PLXDC2: variants seen among roughly 807,000 people sequenced by gnomAD.
PLXDC2 encodes the protein plexin domain-containing protein 2.
Under a neutral mutation model 68.9 loss-of-function variants are expected in PLXDC2, and 40 were observed. The ratio of observed to expected loss-of-function variants is 0.58; its 90% CI spans 0.45 to 0.76. The LOEUF is 0.76. PLXDC2 is among the 30% of genes least tolerant of loss of function. The pLI, the probability that PLXDC2 is intolerant of heterozygous loss-of-function variation, is 0.00. For missense variants in PLXDC2, 644 were observed against 661.9 expected (o/e 0.97, Z 0.30); for synonymous variants, 243 against 234.2 (o/e 1.04, Z -0.34).
At position 20,240,236 on chromosome 10, in the gene PLXDC2, C is replaced by T. The variant is rs181157257; in HGVS notation, c.1313-5109C>T. 1.4e-4 allele frequency among the ~76,000 whole-genome samples: 21 copies of T among 152,248 alleles called. No homozygotes were observed. The East Asian group carries it at 2.3e-3, about 17-fold the overall frequency. ...TAGGACAACGGCCTCCACCTCTTTC[C>T]GTGTTGCTTCCTTCAAAGAATAGGA... On this transcript the variant is annotated intron_variant, in intron 12 of 13. Transcript: ENST00000377252.
At chr10:19,991,867 A>G (rs36017814) in intron 1 of PLXDC2, among the ~76,000 whole-genome samples, 9,707 of 152,242 alleles carry the variant, frequency 0.064, 381 homozygotes, top group Middle Eastern at 0.13. Context: ...CATATTTTCC[A>G]TAGTGAGGTA....
At position 20,287,266 on chromosome 10, in the gene PLXDC2, C is replaced by G. The variant is rs1435447567; in HGVS notation, c.*7447C>G. 2 of 152,200 alleles carry G rather than the reference C, an allele frequency of 1.3e-5. No homozygotes were observed. The highest frequency in any genetic ancestry group is 1.3e-4 in the Admixed American group (2 of 15,278). The allele number at this position is 152,200 out of a possible 1,614,324, so 9.4% of individuals were successfully genotyped here. ...GCCTTTGTCCTAGAGAATTATGTGA[C>G]TTGCCCTAGAGAATTAGTGAATGAC... On this transcript the variant is annotated 3_prime_UTR_variant, in exon 14 of 14. Transcript: ENST00000377252.
chr10:20,000,358 C>T (rs1589578434), intron 1 of PLXDC2, among the ~76,000 whole-genome samples: 2 of 150,766 alleles, frequency 1.3e-5, no homozygotes, highest in South Asian at 2.1e-4. Flanking sequence ...TTGGGTTTCT[C>T]CCTGTGGAGT....
rs552334150 is a variant in PLXDC2, at chr10:19,881,402, C to G, written c.112+64211C>G. On this transcript the variant is annotated intron_variant, in intron 1 of 13. Transcript: ENST00000377252. ...AAGTGCTGAGATTACAGGCATGAGC[C>G]ACTGCGCCTGGCCGCCAATTTCTTT... 4.7e-4 allele frequency among the ~76,000 whole-genome samples: 72 copies of G among 152,248 alleles called. 1 individual carries two copies. In the South Asian group the frequency reaches 9.1e-3, roughly 19 times the overall value.
intron 1 of PLXDC2, among the ~76,000 whole-genome samples, chr10:19,994,183 C>T (rs956238073): frequency 2.0e-5 from 3 of 150,530 alleles, no homozygotes; most frequent in Admixed American, 1.3e-4. Context: ...CCCAACTGTC[C>T]AGTGAGCTAT....
intron 1 of PLXDC2, among the ~76,000 whole-genome samples, chr10:19,836,551 G>T (rs1310528392): frequency 1.3e-5 from 2 of 152,154 alleles, no homozygotes; most frequent in Non-Finnish European, 2.9e-5. Context: ...CACTCAAATA[G>T]AATCAAGTTT....
intron 4 of PLXDC2, among the ~76,000 whole-genome samples, chr10:20,127,045 G>A (rs963004928): frequency 6.6e-6 from 1 of 151,482 alleles, no homozygotes. Flanking sequence ...AAAACCCAAA[G>A]CATCTAAAGA....
At chr10:20,149,859 TA>T (rs1451841384) in intron 6 of PLXDC2, among the ~76,000 whole-genome samples, 3 of 152,208 alleles carry the variant, frequency 2.0e-5, no homozygotes, top group Non-Finnish European at 4.4e-5. Context: ...CTTGCTATTA[TA>T]AATAGTGCTG....
In PLXDC2 at chr10:19,934,250, A is replaced by G. The variant is rs528905444; in HGVS notation, c.113-67525A>G. 5.3e-5 allele frequency among the ~76,000 whole-genome samples: 8 copies of G among 152,370 alleles called. No individual in the cohort carries two copies. In the East Asian group the frequency reaches 9.6e-4, roughly 18 times the overall value. On this transcript the variant is annotated intron_variant, in intron 1 of 13. Coordinates refer to ENST00000377252, the MANE Select transcript of PLXDC2 (RefSeq NM_032812.9). ...ACCTTTATTAATTTAGCAAATTGCA[A>G]TCTTCCATAATGCTCATGACCATTC...
chr10:20,209,633 G>A (rs1835041522), intron 9 of PLXDC2, among the ~76,000 whole-genome samples: 1 of 152,142 alleles, frequency 6.6e-6, no homozygotes, highest in African/African-American at 2.4e-5. Flanking sequence ...AGCAGTCAGA[G>A]TTTAAGGTTA....
At position 20,287,092 on chromosome 10, in the gene PLXDC2, T is replaced by A. The variant is rs1836165822; in HGVS notation, c.*7273T>A. On this transcript the variant is annotated 3_prime_UTR_variant, in exon 14 of 14. Transcript: ENST00000377252. ...TGATGACCAGCTCAAATTTAGGTCA[T>A]TCAGACATCCAGACACTGGGGCACA... 1 of 152,210 alleles carries A rather than the reference T, an allele frequency of 6.6e-6. No individual in the cohort carries two copies. Among genetic ancestry groups the A allele is most frequent in the Non-Finnish European group, 1.5e-5 (1 of 68,056 alleles). The allele number at this position is 152,210 out of a possible 1,614,324, so 9.4% of individuals were successfully genotyped here.
chr10:20,214,784 G>A (rs1835114082), intron 10 of PLXDC2, among the ~76,000 whole-genome samples: 1 of 152,060 alleles, frequency 6.6e-6, no homozygotes, highest in Admixed American at 6.6e-5. Flanking sequence ...CTTAAACGTA[G>A]GGTGTTTACT....
chr10:20,088,071 A>C (rs913378710), intron 4 of PLXDC2, among the ~76,000 whole-genome samples: 3 of 152,216 alleles, frequency 2.0e-5, no homozygotes, highest in African/African-American at 7.2e-5. Context: ...TCCTAAAATC[A>C]AAATGATCTA....
intron 1 of PLXDC2, among the ~76,000 whole-genome samples, chr10:19,893,599 A>T (rs181546699): frequency 6.6e-6 from 1 of 152,340 alleles, no homozygotes; most frequent in East Asian, 1.9e-4. Flanking sequence ...AAAAAGATGG[A>T]TATGTGACCA....
intron 1 of PLXDC2, among the ~76,000 whole-genome samples, chr10:19,853,792 C>T (rs1837165244): frequency 6.6e-6 from 1 of 152,156 alleles, no homozygotes; most frequent in African/African-American, 2.4e-5. Flanking sequence ...TGTCTCCTGC[C>T]AGGTTGTTGG....
In PLXDC2 at chr10:20,177,397, G is replaced by T. The variant is rs970921314; in HGVS notation, c.1049G>T (p.Ser350Ile). The change falls in exon 9 of 14, where the codon AGT (serine) becomes ATT (isoleucine). Residue 350 changes from serine to isoleucine, a missense_variant. Transcript: ENST00000377252. ...SQIGFNCSWCSKLQRCSSGFD... is the reference protein window; with the variant it reads ...SQIGFNCSWCIKLQRCSSGFD... Reference sequence around the variant, plus strand: ...ATTGGCTTCAACTGCAGTTGGTGTAGTAAACTTCAAAGGTAAAAATATAAT... The same window carrying T: ...ATTGGCTTCAACTGCAGTTGGTGTATTAAACTTCAAAGGTAAAAATATAAT... The T allele has an allele frequency of 6.4e-7, 1 of 1,550,576 alleles. No homozygotes were observed.
chr10:20,240,234 T>C (rs1455271883), intron 12 of PLXDC2, among the ~76,000 whole-genome samples: 1 of 152,180 alleles, frequency 6.6e-6, no homozygotes, highest in Non-Finnish European at 1.5e-5. Flanking sequence ...TCCACCTCTT[T>C]CCGTGTTGCT....
intron 1 of PLXDC2, among the ~76,000 whole-genome samples, chr10:19,882,521 C>G (rs1470986326): frequency 6.6e-6 from 1 of 152,216 alleles, no homozygotes; most frequent in African/African-American, 2.4e-5. Context: ...CCAGTTCTGT[C>G]TAAGTCCAAA....
chr10:20,021,598 G>A lies in PLXDC2; in HGVS notation c.324+19612G>A, dbSNP rs905472321. 1.5e-4 allele frequency among the ~76,000 whole-genome samples: 23 copies of A among 152,114 alleles called. No homozygotes were observed. In the South Asian group the frequency reaches 2.9e-3, roughly 19 times the overall value. The stretch of plus-strand genomic sequence containing the variant: ...TAAGGCCACCCCCTCTTGTCTTGCT[G>A]TGGTTTCTTCCCCATTCATTTCTCA... On this transcript the variant is annotated intron_variant, in intron 2 of 13. Coordinates refer to ENST00000377252, the MANE Select transcript of PLXDC2 (RefSeq NM_032812.9).
Sources: allele counts gnomAD v4.1 joint callset (sites outside exome capture counted in the v4.1 genomes callset), GRCh38; gene constraint gnomAD v4.1.1; transcripts MANE v1.5; gene names NCBI Gene and HGNC (gene_info 2026-07-23, HGNC 2026-07-21).